ZNF836: variants seen among roughly 807,000 people sequenced by gnomAD.
ZNF836 encodes zinc finger protein 836.
Under a neutral mutation model 7.4 loss-of-function variants are expected in ZNF836, and 12 were observed. The ratio of observed to expected loss-of-function variants is 1.61; its 90% confidence interval spans 1.03 to 2.61. The LOEUF (loss-of-function observed/expected upper bound fraction) is 2.61. Among genes scored for constraint, ZNF836 ranks in the 30% most tolerant of loss-of-function variants. The pLI, the probability that ZNF836 is intolerant of heterozygous loss-of-function variation, is 0.00. For synonymous variants in ZNF836, 365 were observed against 382.6 expected, an observed-to-expected ratio of 0.95 and a Z score of 0.54; for missense variants, 998 against 1,126.2, an observed-to-expected ratio of 0.89 and a Z score of 1.63.
rs1163406959 is a variant in ZNF836 at position 52,161,049 on chromosome 19, G to T, written c.16-458C>A. ...CCATGTGCTGGGCATTACTCCAAAT[G>T]CTTTACATGTTCTAATTCAAATAAT... On this transcript the variant is annotated intron_variant, in intron 3 of 4. Transcript: ENST00000682614. The surrounding 1 kb of genome is among the most constrained non-coding windows in gnomAD (Gnocchi z 4.1). Among the ~76,000 whole-genome samples the T allele has an allele frequency of 2.0e-5, 3 of 152,208 alleles. No homozygotes were observed. The highest frequency in any genetic ancestry group is 7.2e-5 in the African/African-American group (3 of 41,458).
At chr19:52,160,798 T>C in intron 3 of ZNF836, 1 of 567,636 alleles carries the variant, frequency 1.8e-6, no homozygotes, top group Non-Finnish European at 3.0e-6. Context: ...CAGTGTAGGC[T>C]TCTCATTTTT....
intron 3 of ZNF836, among the ~76,000 whole-genome samples, chr19:52,162,810 CCTT>C (rs2089224540): frequency 6.6e-6 from 1 of 152,206 alleles, no homozygotes; most frequent in Non-Finnish European, 1.5e-5. Flanking sequence ...CCTCAGCAAA[CCTT>C]CTGGCGGCAG....
intron 2 of ZNF836, among the ~76,000 whole-genome samples, chr19:52,168,766 T>C (rs1039684104): frequency 6.6e-6 from 1 of 152,072 alleles, no homozygotes; most frequent in Non-Finnish European, 1.5e-5. Flanking sequence ...GGATGAACCA[T>C]GCAATCTCCG....
At position 52,157,050 on chromosome 19, in the gene ZNF836, T is replaced by C; in HGVS notation, c.633A>G (p.Thr211=). The C allele has an allele frequency of 6.2e-7, 1 of 1,614,036 alleles. No homozygotes were observed. The highest frequency in any genetic ancestry group is 8.5e-7 in the Non-Finnish European group (1 of 1,179,908). ...ACATATAAGGTTTTTCCCTAATGTGTGTTTTCTCAAGTTGGGTGGGTAATG... is the reference window on the plus strand; with the variant it reads ...ACATATAAGGTTTTTCCCTAATGTGCGTTTTCTCAAGTTGGGTGGGTAATG... ...QLSLPTQLEK[T]HIREKPYMCK... Residue 211 remains threonine (T), a synonymous_variant, in exon 5 of 5, where the codon ACA becomes ACG. Transcript: ENST00000682614.
intron 3 of ZNF836, among the ~76,000 whole-genome samples, chr19:52,164,450 AAGG>A (rs2089243545): frequency 1.8e-5 from 1 of 55,302 alleles, no homozygotes; most frequent in Non-Finnish European, 3.9e-5. Context: ...AGAGAGAGAA[AAGG>A]AAGGAAGGAA....
chr19:52,156,945 G>A lies in ZNF836; in HGVS notation c.738C>T (p.Tyr246=). ...AGGCTTTGCCACATTCATTGCATTT[G>A]TAAGGTTTCTCTGTAGTATGTACCA... ...HQMVHTTEKP[Y]KCNECGKAFH... The change falls in exon 5 of 5, where the codon TAC becomes TAT. Residue 246 remains tyrosine, a synonymous_variant. Coordinates refer to ENST00000682614, the MANE Select transcript of ZNF836 (RefSeq NM_001102657.3). 6.2e-7 allele frequency: 1 copy of A among 1,614,136 alleles called. No individual in the cohort carries two copies. Among genetic ancestry groups the A allele is most frequent in the Non-Finnish European group, 8.5e-7 (1 of 1,180,020 alleles).
At chr19:52,167,034 T>TCTACAC (rs2089271255) in intron 3 of ZNF836, among the ~76,000 whole-genome samples, 1 of 151,946 alleles carries the variant, frequency 6.6e-6, no homozygotes, top group African/African-American at 2.4e-5. Flanking sequence ...ACAAAGGAGT[T>TCTACAC]CTGCTCCTAC....
At chr19:52,169,174 T>C (rs1241501976) in intron 2 of ZNF836, among the ~76,000 whole-genome samples, 1 of 152,218 alleles carries the variant, frequency 6.6e-6, no homozygotes, top group Non-Finnish European at 1.5e-5. Flanking sequence ...GATTATAGGA[T>C]GCCACCAAAT....
chr19:52,164,090 G>T (rs974862144), intron 3 of ZNF836, among the ~76,000 whole-genome samples: 1 of 150,942 alleles, frequency 6.6e-6, no homozygotes, highest in Non-Finnish European at 1.5e-5. Context: ...AAGAAAAAGT[G>T]AGAAAGAAAG....
rs1279779649 is a variant in ZNF836, at chr19:52,156,368, C to G, written c.1315G>C (p.Glu439Gln). The change falls in exon 5 of 5, where the codon GAG (glutamate) becomes CAG (glutamine). Residue 439 changes from glutamate (E) to glutamine (Q), a missense_variant. Coordinates refer to ENST00000682614, the MANE Select transcript of ZNF836 (RefSeq NM_001102657.3). ...LTTHQIIHTG[E>Q]KPYTCDVCDK... Reference sequence around the variant, plus strand: ...CATACATCACATGTATATGGTTTCTCTCCTGTATGGATTATCTGATGTGTA... The same window carrying G: ...CATACATCACATGTATATGGTTTCTGTCCTGTATGGATTATCTGATGTGTA... The G allele has an allele frequency of 1.2e-6, 2 of 1,614,184 alleles. No homozygotes were observed. The highest frequency in any genetic ancestry group is 1.1e-5 in the South Asian group (1 of 91,078).
At chr19:52,165,740 C>T (rs1315568878) in intron 3 of ZNF836, among the ~76,000 whole-genome samples, 2 of 152,130 alleles carry the variant, frequency 1.3e-5, no homozygotes, top group African/African-American at 4.8e-5. Context: ...GCAAAGCAGC[C>T]CTCTCCCACC....
chr19:52,156,758 T>C lies in ZNF836; in HGVS notation c.925A>G (p.Lys309Glu), dbSNP rs1342176511. 1 of 1,607,444 alleles carries C rather than the reference T, an allele frequency of 6.2e-7. No individual in the cohort carries two copies. Residue 309 changes from lysine to glutamate, a missense_variant, in exon 5 of 5, where the codon AAG (lysine) becomes GAG (glutamate). Coordinates refer to ENST00000682614, the MANE Select transcript of ZNF836 (RefSeq NM_001102657.3). Reference sequence around the variant, plus strand: ...AGGTTATAACTTTGACTAAAGGACTTGCCACATTCATTACATTTGTACGGT... The same window carrying C: ...AGGTTATAACTTTGACTAAAGGACTCGCCACATTCATTACATTTGTACGGT... ...EKPYKCNECGKSFSQSYNLAI... is the reference protein window; with the variant it reads ...EKPYKCNECGESFSQSYNLAI...
rs376255729 is a variant in ZNF836 at position 52,160,426 on chromosome 19, G to A, written c.142+39C>T. On this transcript the variant is annotated intron_variant, in intron 4 of 4. Coordinates refer to ENST00000682614, the MANE Select transcript of ZNF836 (RefSeq NM_001102657.3). Reference sequence around the variant, plus strand: ...CAACAGAGAAAATACAAAAATACACGAGGGCAGATCTTAACTTCTAGAGCA... The same window carrying A: ...CAACAGAGAAAATACAAAAATACACAAGGGCAGATCTTAACTTCTAGAGCA... 167 of 1,613,550 alleles carry A rather than the reference G, an allele frequency of 1.0e-4. No homozygotes were observed. In the African/African-American group the frequency reaches 1.1e-3, roughly 10 times the overall value.
chr19:52,155,519 G>A lies in ZNF836; in HGVS notation c.2164C>T (p.His722Tyr). The A allele has an allele frequency of 3.7e-6, 6 of 1,613,902 alleles. No individual in the cohort carries two copies. Among genetic ancestry groups the A allele is most frequent in the Non-Finnish European group, 5.1e-6 (6 of 1,179,882 alleles). ...GTTCTACCACAATGGCTACATTTGT[G>A]TGGTTTCTCCCCAGTAGGATTTCTG... ...YHRNPTGEKPHKCSHCGRTFS... is the reference protein window; with the variant it reads ...YHRNPTGEKPYKCSHCGRTFS... Residue 722 changes from histidine (H) to tyrosine (Y), a missense_variant, in exon 5 of 5, where the codon CAC (histidine) becomes TAC (tyrosine). His to Tyr is a moderately conservative substitution (Grantham distance 83, BLOSUM62 2). Coordinates refer to ENST00000682614, the MANE Select transcript of ZNF836 (RefSeq NM_001102657.3).
chr19:52,165,893 T>C (rs758441681), intron 3 of ZNF836, among the ~76,000 whole-genome samples: 17 of 152,266 alleles, frequency 1.1e-4, no homozygotes, highest in African/African-American at 4.8e-5. Context: ...TAAAATAATC[T>C]TCATTCTTTG....
At chr19:52,168,036 T>A in intron 3 of ZNF836, 22 bp downstream of exon 3, 1 of 1,549,216 alleles carries the variant, frequency 6.5e-7, no homozygotes, top group Non-Finnish European at 8.9e-7. Flanking sequence ...GACAGAATGA[T>A]CCACTAAGAA....
At position 52,160,447 on chromosome 19, in the gene ZNF836, G is replaced by C; in HGVS notation, c.142+18C>G. The stretch of plus-strand genomic sequence containing the variant: ...ACACGAGGGCAGATCTTAACTTCTA[G>C]AGCAAAATTATCCTTACCCAGGAAG... On this transcript the variant is annotated intron_variant, in intron 4 of 4. Coordinates refer to ENST00000682614, the MANE Select transcript of ZNF836 (RefSeq NM_001102657.3). 6.2e-7 allele frequency: 1 copy of C among 1,614,052 alleles called. No homozygotes were observed. Among genetic ancestry groups the C allele is most frequent in the Non-Finnish European group, 8.5e-7 (1 of 1,179,984 alleles).
At chr19:52,168,826 C>T (rs956822627) in intron 2 of ZNF836, among the ~76,000 whole-genome samples, 4 of 151,978 alleles carry the variant, frequency 2.6e-5, no homozygotes, top group Non-Finnish European at 5.9e-5. Flanking sequence ...CATGGATGAA[C>T]CTGGAAGACA....
chr19:52,168,155 G>A lies in ZNF836; in HGVS notation c.-80-3C>T. The A allele has an allele frequency of 1.3e-6, 2 of 1,552,866 alleles. No homozygotes were observed. The highest frequency in any genetic ancestry group is 1.2e-5 in the South Asian group (1 of 83,874). ...AATTAATTCTTTACAAGTCAAATCT[G>A]AAAGTGAAAAATCTGTTGTTTAATG... On this transcript the variant is annotated splice_polypyrimidine_tract_variant and splice_region_variant and intron_variant, in intron 2 of 4. Coordinates refer to ENST00000682614, the MANE Select transcript of ZNF836 (RefSeq NM_001102657.3).
Sources: allele counts gnomAD v4.1 joint callset (sites outside exome capture counted in the v4.1 genomes callset), GRCh38; gene constraint gnomAD v4.1.1; non-coding constraint Gnocchi (gnomAD v3.1); transcripts MANE v1.5; gene names NCBI Gene and HGNC (gene_info 2026-07-23, HGNC 2026-07-21).